SRRM1: variants seen among roughly 807,000 people sequenced by gnomAD.
SRRM1 encodes the protein serine/arginine repetitive matrix protein 1.
Under a neutral mutation model 110.2 loss-of-function variants are expected in SRRM1, and 19 were observed. The observed-to-expected ratio is 0.17, with a 90% CI of 0.12 to 0.25. SRRM1 has a LOEUF of 0.25. SRRM1 is among the 10% of genes least tolerant of loss of function. The pLI, the probability that SRRM1 is intolerant of heterozygous loss-of-function variation, is 1.00. For synonymous variants in SRRM1, 443 were observed against 414.9 expected (o/e 1.07, Z -0.82); for missense variants, 918 against 1,145.8 (o/e 0.80, Z 2.87).
intron 6 of SRRM1, among the ~76,000 whole-genome samples, chr1:24,652,026 A>G (rs931992203): frequency 9.9e-6 from 1 of 101,266 alleles, no homozygotes; most frequent in Admixed American, 1.0e-4. Context: ...CATCTGTACT[A>G]AAAATATATA....
intron 12 of SRRM1, among the ~76,000 whole-genome samples, chr1:24,666,271 C>CT (rs1314086394): frequency 6.6e-6 from 1 of 152,196 alleles, no homozygotes; most frequent in African/African-American, 2.4e-5. Context: ...CAAAACGGTA[C>CT]TTACCCTTGT....
At chr1:24,648,565 G>GT (rs1305031111) in intron 3 of SRRM1, 3 of 240,882 alleles carry the variant, frequency 1.2e-5, no homozygotes, top group Non-Finnish European at 2.4e-5. Context: ...GTTAATAAAT[G>GT]TAAGGCCCAC....
chr1:24,646,065 GA>G lies in SRRM1; in HGVS notation c.110del (p.Lys37ArgfsTer4). 1 of 1,610,580 alleles carries G rather than the reference GA, an allele frequency of 6.2e-7. No homozygotes were observed. The highest frequency in any genetic ancestry group is 8.5e-7 in the Non-Finnish European group (1 of 1,177,946). The stretch of plus-strand genomic sequence containing the variant: ...GCAGCTGAAATTTGCAGAATGCCTA[GA>G]AAAAAAGGTATTCTTCTGGATGAGA... Reference protein sequence around the residue: ...LKQLKFAECLEKKVDMSKVNL... With the variant: ...LKQLKFAECLXKKVDMSKVNL... On this transcript the variant is annotated frameshift_variant, in exon 2 of 17. Coordinates refer to ENST00000323848, the MANE Select transcript of SRRM1 (RefSeq NM_005839.4). LOFTEE classifies it high-confidence loss of function.
At chr1:24,653,973 T>A (rs1380037211) in intron 8 of SRRM1, among the ~76,000 whole-genome samples, 1 of 152,118 alleles carries the variant, frequency 6.6e-6, no homozygotes, top group Non-Finnish European at 1.5e-5. Flanking sequence ...ATTTTGAAAA[T>A]TTTCTTTGGG....
chr1:24,661,222 AG>A (rs1570955300), intron 10 of SRRM1, 87 bp from the exon 11 acceptor site: 5 of 854,234 alleles, frequency 5.9e-6, no homozygotes, highest in Non-Finnish European at 1.9e-6. Context: ...AACCAAATGA[AG>A]GTTTGAGAGA....
In SRRM1 at chr1:24,654,725, A is replaced by C. The variant is rs1021334472; in HGVS notation, c.1041-130A>C. The C allele has an allele frequency of 5.5e-6, 6 of 1,096,302 alleles. No individual in the cohort carries two copies. In the African/African-American group the frequency reaches 7.9e-5, roughly 14 times the overall value. The allele number at this position is 1,096,302 out of a possible 1,614,324, so 67.9% of individuals were successfully genotyped here. A position where few individuals can be genotyped will look rare whatever the true frequency, so the allele number is the denominator to read the frequency against. On this transcript the variant is annotated intron_variant, in intron 8 of 16. Transcript: ENST00000323848. ...TTTTTTCCCCCATTCTTTTGGACTCATTTATGTGCTTAGCTACATAAACTC... is the reference window on the plus strand; with the variant it reads ...TTTTTTCCCCCATTCTTTTGGACTCCTTTATGTGCTTAGCTACATAAACTC...
At chr1:24,654,262 G>A in intron 8 of SRRM1, 14 of 1,279,646 alleles carry the variant, frequency 1.1e-5, no homozygotes, top group Non-Finnish European at 1.4e-5. Flanking sequence ...TTCCCTTTCA[G>A]CCAGTTTTTA....
At chr1:24,656,963 C>T (rs911461372) in intron 9 of SRRM1, among the ~76,000 whole-genome samples, 1 of 152,228 alleles carries the variant, frequency 6.6e-6, no homozygotes, top group South Asian at 2.1e-4. Flanking sequence ...GGTTTTGGGA[C>T]AGGGCTTCCG....
In SRRM1 at chr1:24,653,022, C is replaced by T; in HGVS notation, c.1030C>T (p.Pro344Ser). The change falls in exon 8 of 17, where the codon CCA becomes TCA. Residue 344 changes from proline to serine, a missense_variant. Transcript: ENST00000323848. ...PPPRHRRSRS[P>S]VRRRRRSSAS... ...ACCAAGGCATAGAAGGAGTAGATCT[C>T]CAGTAAGACGGTAAGATTTTTTAAA... 1 of 1,612,184 alleles carries T rather than the reference C, an allele frequency of 6.2e-7. No homozygotes were observed.
chr1:24,652,858 C>T (rs1421484220), intron 7 of SRRM1, 55 bp from the exon 8 acceptor site: 2 of 1,534,648 alleles, frequency 1.3e-6, no homozygotes, highest in Non-Finnish European at 1.7e-6. Flanking sequence ...AAAACTAAGC[C>T]AAGAAATTCC....
chr1:24,661,121 T>A (rs747220150), intron 10 of SRRM1, 189 bp from the exon 11 acceptor site: 6 of 552,920 alleles, frequency 1.1e-5, no homozygotes, highest in Non-Finnish European at 2.0e-5. Context: ...ATAAATTTTA[T>A]TATATTTGGT....
At chr1:24,643,639 C>G (rs1367769133) in intron 1 of SRRM1, 1 of 386,992 alleles carries the variant, frequency 2.6e-6, no homozygotes, top group African/African-American at 2.1e-5. Context: ...CTGGCGGGGC[C>G]TGCAGGCCGA....
chr1:24,667,674 G>A (rs1182030117), intron 13 of SRRM1, among the ~76,000 whole-genome samples: 1 of 152,186 alleles, frequency 6.6e-6, no homozygotes, highest in Non-Finnish European at 1.5e-5. Flanking sequence ...AAGAGATGTA[G>A]GGTCCTGGAG....
chr1:24,652,298 AT>A, intron 6 of SRRM1, 135 bp from the exon 7 acceptor site: 1 of 588,322 alleles, frequency 1.7e-6, no homozygotes, highest in Non-Finnish European at 2.9e-6. Flanking sequence ...ATACATACTT[AT>A]GTGTCTTTTG....
At chr1:24,647,317 T>G (rs1658174160) in intron 3 of SRRM1, 1 of 152,632 alleles carries the variant, frequency 6.6e-6, no homozygotes, top group Non-Finnish European at 1.5e-5. Context: ...TATTATGAGA[T>G]GGACATTTAT....
chr1:24,670,339 C>G, intron 15 of SRRM1, 24 bp downstream of exon 15: 1 of 1,579,152 alleles, frequency 6.3e-7, no homozygotes, highest in African/African-American at 1.4e-5. Context: ...TTATTTTGGA[C>G]ACCCTTTTAT....
At chr1:24,658,837 T>C (rs994592936) in intron 9 of SRRM1, among the ~76,000 whole-genome samples, 3 of 152,234 alleles carry the variant, frequency 2.0e-5, no homozygotes, top group African/African-American at 7.2e-5. Flanking sequence ...TGATATCTAA[T>C]TGAGTGATAG....
At position 24,672,893 on chromosome 1, in the gene SRRM1, CTG is replaced by C. The variant is rs1673328885; in HGVS notation, c.*610_*611del. Reference sequence around the variant, plus strand: ...TGAAAGCATGTTGTTTGCCAGGACACTGTGGGTTTATATTGATGTGTAACAAG... The same window carrying C: ...TGAAAGCATGTTGTTTGCCAGGACACTGGGTTTATATTGATGTGTAACAAG... On this transcript the variant is annotated 3_prime_UTR_variant, in exon 17 of 17. Transcript: ENST00000323848. 4 of 152,566 alleles carry C rather than the reference CTG, an allele frequency of 2.6e-5. No homozygotes were observed. In the South Asian group the frequency reaches 6.2e-4, roughly 24 times the overall value. The allele number at this position is 152,566 out of a possible 1,614,324, so 9.5% of individuals were successfully genotyped here. A position where few individuals can be genotyped will look rare whatever the true frequency, so the allele number is the denominator to read the frequency against.
At chr1:24,664,184 AG>A (rs1414672529) in intron 12 of SRRM1, among the ~76,000 whole-genome samples, 3 of 151,834 alleles carry the variant, frequency 2.0e-5, no homozygotes, top group African/African-American at 7.3e-5. Flanking sequence ...TTAGTAGAGA[AG>A]GGATTTCGCC....
Sources: gnomAD v4.1 joint callset for allele counts (sites outside exome capture counted in the v4.1 genomes callset) on GRCh38, gnomAD v4.1.1 for gene constraint, MANE v1.5 for transcripts, NCBI Gene and HGNC (gene_info 2026-07-23, HGNC 2026-07-21) for gene names.